Variants in NSMAF observed in about 807,000 individuals in gnomAD.
The protein encoded by NSMAF is protein FAN.
A neutral mutation model predicts 134.9 loss-of-function variants in NSMAF; 90 were observed. That is an observed-to-expected ratio of 0.67 (90% CI 0.56 to 0.79). The LOEUF is 0.79. Ranked by LOEUF, NSMAF falls within the 30% of genes least tolerant of loss-of-function variation. The pLI is 0.00. For synonymous variants in NSMAF, 358 were observed against 389.6 expected (o/e 0.92, Z 0.96); for missense variants, 1,010 against 1,119.0 (o/e 0.90, Z 1.39).
At chr8:58,590,293 CT>C (rs1417416794) in intron 24 of NSMAF, among the ~76,000 whole-genome samples, 1 of 152,104 alleles carries the variant, frequency 6.6e-6, no homozygotes, top group Admixed American at 6.5e-5. Context: ...TATTTACGAC[CT>C]AGCCTGATGA....
At chr8:58,606,088 A>T (rs1806405317) in intron 11 of NSMAF, 53 bp from the exon 12 acceptor site, 6 of 1,102,592 alleles carry the variant, frequency 5.4e-6, no homozygotes, top group Non-Finnish European at 7.6e-6. Context: ...TTCATCTTGC[A>T]ATCCCAATAT....
chr8:58,601,486 T>G lies in NSMAF; in HGVS notation c.1175A>C (p.Tyr392Ser). 1 of 1,608,074 alleles carries G rather than the reference T, an allele frequency of 6.2e-7. No homozygotes were observed. Residue 392 changes from tyrosine to serine, a missense_variant, in exon 15 of 31, where the codon TAC (tyrosine) becomes TCC (serine). Tyr to Ser is a moderately radical substitution (Grantham distance 144). Transcript: ENST00000038176. ...PEPKFMYGSHYSSPGYVLFYL... is the reference protein window; with the variant it reads ...PEPKFMYGSHSSSPGYVLFYL... Reference sequence around the variant, plus strand: ...AAAAAGTACATAACCCGGGGAAGAGTAGTGACTCCCATACATGAACTTTGG... The same window carrying G: ...AAAAAGTACATAACCCGGGGAAGAGGAGTGACTCCCATACATGAACTTTGG...
intron 12 of NSMAF, 137 bp from the exon 13 acceptor site, chr8:58,603,523 C>G (rs544577989): frequency 1.4e-6 from 1 of 719,526 alleles, no homozygotes. Flanking sequence ...AGGCTGCTGA[C>G]TTGTTTTCAT....
intron 9 of NSMAF, among the ~76,000 whole-genome samples, chr8:58,620,957 CTTTTA>C (rs1397779888): frequency 6.6e-6 from 1 of 152,026 alleles, no homozygotes; most frequent in Non-Finnish European, 1.5e-5. Flanking sequence ...TATCTTTTAA[CTTTTA>C]TTTTAGTTTC....
intron 9 of NSMAF, among the ~76,000 whole-genome samples, chr8:58,612,662 G>C (rs1009744091): frequency 7.2e-5 from 11 of 152,122 alleles, no homozygotes; most frequent in African/African-American, 2.7e-4. Context: ...TTGTTGGACT[G>C]AGCTCTTAAC....
chr8:58,641,340 A>T (rs1807331292), intron 2 of NSMAF, among the ~76,000 whole-genome samples: 1 of 152,258 alleles, frequency 6.6e-6, no homozygotes, highest in Non-Finnish European at 1.5e-5. Context: ...TTCCAAAACG[A>T]AAGTTACAAA....
At position 58,602,145 on chromosome 8, in the gene NSMAF, C is replaced by A; in HGVS notation, c.1046-8G>T. The A allele has an allele frequency of 6.2e-7, 1 of 1,605,070 alleles. No individual in the cohort carries two copies. Among genetic ancestry groups the A allele is most frequent in the Non-Finnish European group, 8.5e-7 (1 of 1,172,316 alleles). ...TTCCTGGATTTGACAAATCTATAAA[C>A]ATAAATCAATAAATAACTTCAGCTT... On this transcript the variant is annotated splice_region_variant and splice_polypyrimidine_tract_variant and intron_variant, in intron 13 of 30. Coordinates refer to ENST00000038176, the MANE Select transcript of NSMAF (RefSeq NM_003580.4).
intron 2 of NSMAF, chr8:58,639,946 A>C: frequency 2.7e-6 from 1 of 366,260 alleles, no homozygotes; most frequent in Non-Finnish European, 5.4e-6. Flanking sequence ...TAATTCAAAG[A>C]AGAGACAAGA....
chr8:58,618,724 T>C (rs772513588), intron 9 of NSMAF, among the ~76,000 whole-genome samples: 8 of 152,188 alleles, frequency 5.3e-5, no homozygotes, highest in Non-Finnish European at 1.0e-4. Context: ...CTTCATTGTA[T>C]TAGCGTTTCA....
At chr8:58,586,658 A>C (rs756315849) in intron 27 of NSMAF, 50 bp from the exon 28 acceptor site, 5 of 1,472,078 alleles carry the variant, frequency 3.4e-6, no homozygotes, top group Non-Finnish European at 3.7e-6. Flanking sequence ...TATGGTCATT[A>C]GCTATGTTTC....
At chr8:58,590,155 C>T (rs959651730) in intron 24 of NSMAF, 81 bp from the exon 25 acceptor site, 34 of 1,235,686 alleles carry the variant, frequency 2.8e-5, no homozygotes, top group African/African-American at 1.2e-4. Context: ...TATACATTTC[C>T]GAAAAATTAA....
chr8:58,649,616 C>A (rs1016772477), intron 1 of NSMAF, among the ~76,000 whole-genome samples: 4 of 152,146 alleles, frequency 2.6e-5, no homozygotes, highest in Non-Finnish European at 5.9e-5. Flanking sequence ...CTCATGAATG[C>A]CTCAGCACCA....
At chr8:58,639,770 AATAGAC>A (rs1271438790) in intron 2 of NSMAF, among the ~76,000 whole-genome samples, 3 of 152,204 alleles carry the variant, frequency 2.0e-5, no homozygotes, top group African/African-American at 7.2e-5. Context: ...AACATATAAA[AATAGAC>A]ATACATACAT....
At chr8:58,626,926 T>C (rs745764361) in intron 6 of NSMAF, among the ~76,000 whole-genome samples, 29 of 152,216 alleles carry the variant, frequency 1.9e-4, no homozygotes, top group Non-Finnish European at 3.4e-4. Flanking sequence ...GATACCTCAT[T>C]GTGGTTTTAA....
intron 6 of NSMAF, among the ~76,000 whole-genome samples, chr8:58,627,449 C>T (rs955556495): frequency 6.6e-6 from 1 of 152,062 alleles, no homozygotes; most frequent in African/African-American, 2.4e-5. Context: ...TGACCATTTA[C>T]CTAGAAAACT....
Position 58,597,370 on chromosome 8 carries a change from CT to C in NSMAF, c.1792+16del. The C allele has an allele frequency of 6.2e-7, 1 of 1,609,186 alleles. No individual in the cohort carries two copies. Among genetic ancestry groups the C allele is most frequent in the African/African-American group, 1.3e-5 (1 of 74,810 alleles). ...GAAACAAAAGGTGCTCACGTTTATTCTCTTTACAAAATTTACCTGGGGAATC... is the reference window on the plus strand; with the variant it reads ...GAAACAAAAGGTGCTCACGTTTATTCCTTTACAAAATTTACCTGGGGAATC... On this transcript the variant is annotated intron_variant, in intron 21 of 30. Coordinates refer to ENST00000038176, the MANE Select transcript of NSMAF (RefSeq NM_003580.4).
In NSMAF at chr8:58,654,491, G is replaced by A. The variant is rs149742903; in HGVS notation, c.59+5082C>T. On this transcript the variant is annotated intron_variant, in intron 1 of 30. Coordinates refer to ENST00000038176, the MANE Select transcript of NSMAF (RefSeq NM_003580.4). ...CTTGAACCCAGGAGGCGGAGTTTGC[G>A]GTGAGCCAAGATCATGCCATTGCAC... is the stretch of plus-strand genomic sequence containing the variant. Among the ~76,000 whole-genome samples the A allele has an allele frequency of 5.5e-3, 842 of 152,050 alleles. 7 individuals are homozygous for A. The highest frequency in any genetic ancestry group is 0.019 in the African/African-American group (789 of 41,468).
intron 9 of NSMAF, among the ~76,000 whole-genome samples, chr8:58,611,179 A>G (rs1806521889): frequency 1.3e-5 from 2 of 152,352 alleles, no homozygotes; most frequent in Non-Finnish European, 2.9e-5. Flanking sequence ...AAAAGACTCT[A>G]TAGAAGGTGT....
chr8:58,644,889 G>A lies in NSMAF; in HGVS notation c.60-1816C>T, dbSNP rs943569127. Among the ~76,000 whole-genome samples the A allele has an allele frequency of 3.3e-5, 5 of 152,076 alleles. No homozygotes were observed. The East Asian group carries it at 7.7e-4, about 23-fold the overall frequency. On this transcript the variant is annotated intron_variant, in intron 1 of 30. Coordinates refer to ENST00000038176, the MANE Select transcript of NSMAF (RefSeq NM_003580.4). Reference sequence around the variant, plus strand: ...GAAAACCAAGCACCGCCATGTTCTCGCTCATAAGTGGGAGCTGAACAATGA... The same window carrying A: ...GAAAACCAAGCACCGCCATGTTCTCACTCATAAGTGGGAGCTGAACAATGA...
Sources: gnomAD v4.1 joint callset for allele counts (sites outside exome capture counted in the v4.1 genomes callset) on GRCh38, gnomAD v4.1.1 for gene constraint, MANE v1.5 for transcripts, NCBI Gene and HGNC (gene_info 2026-07-23, HGNC 2026-07-21) for gene names.